Variants in ETV6 observed in about 807,000 individuals in gnomAD.
ETV6 encodes transcription factor ETV6.
ETV6 carries 16 observed loss-of-function variants against 51.1 expected under a neutral mutation model. The observed-to-expected ratio is 0.31, with a 90% CI of 0.21 to 0.48. ETV6 has a LOEUF of 0.48. Ranked by LOEUF, ETV6 falls within the 20% of genes least tolerant of loss-of-function variation. The pLI, the probability that ETV6 is intolerant of heterozygous loss-of-function variation, is 0.99. For missense variants in ETV6, 458 were observed against 594.8 expected, an observed-to-expected ratio of 0.77 and a Z score of 2.39; for synonymous variants, 240 against 224.1, an observed-to-expected ratio of 1.07 and a Z score of -0.64.
chr12:11,759,631 T>G (rs1362893341), intron 2 of ETV6, among the ~76,000 whole-genome samples: 2 of 152,242 alleles, frequency 1.3e-5, no homozygotes, highest in Admixed American at 1.3e-4. Context: ...TCTTGGATTT[T>G]CCCAACCCTC....
intron 1 of ETV6, among the ~76,000 whole-genome samples, chr12:11,678,185 A>G (rs963108678): frequency 6.6e-6 from 1 of 152,210 alleles, no homozygotes; most frequent in Non-Finnish European, 1.5e-5. Context: ...AGAAAACAGA[A>G]CAAAAAGGGA....
intron 1 of ETV6, among the ~76,000 whole-genome samples, chr12:11,669,411 C>G (rs950446503): frequency 2.6e-5 from 3 of 117,524 alleles, no homozygotes; most frequent in Non-Finnish European, 5.5e-5. Context: ...CCTTTCCTCC[C>G]TTCCTCCTTC....
At chr12:11,681,657 G>C (rs1312142681) in intron 1 of ETV6, among the ~76,000 whole-genome samples, 1 of 152,062 alleles carries the variant, frequency 6.6e-6, no homozygotes, top group African/African-American at 2.4e-5. Context: ...ACGTGCCATG[G>C]TAGTTTGCTG....
At chr12:11,791,858 C>T (rs1415242113) in intron 2 of ETV6, among the ~76,000 whole-genome samples, 1 of 151,550 alleles carries the variant, frequency 6.6e-6, no homozygotes, top group African/African-American at 2.4e-5. Context: ...ACCTGGTGGT[C>T]GTTTAAAAAA....
At chr12:11,844,389 A>T (rs1422401004) in intron 3 of ETV6, among the ~76,000 whole-genome samples, 1 of 152,220 alleles carries the variant, frequency 6.6e-6, no homozygotes, top group Admixed American at 6.5e-5. Context: ...CAGTCTTTTC[A>T]TATACTAGAG....
intron 2 of ETV6, among the ~76,000 whole-genome samples, chr12:11,815,682 C>A (rs1177213236): frequency 6.6e-6 from 1 of 152,190 alleles, no homozygotes. Flanking sequence ...GTATTGCCAG[C>A]CATTTCTCCT....
At chr12:11,887,398 C>A (rs1045105891) in intron 7 of ETV6, among the ~76,000 whole-genome samples, 2 of 152,106 alleles carry the variant, frequency 1.3e-5, no homozygotes, top group African/African-American at 4.8e-5. Context: ...CCTTAAATAT[C>A]ACATTTAAGT....
intron 1 of ETV6, among the ~76,000 whole-genome samples, chr12:11,655,257 C>A (rs1486308309): frequency 6.6e-6 from 1 of 152,128 alleles, no homozygotes; most frequent in African/African-American, 2.4e-5. Flanking sequence ...ACTTTAGAGA[C>A]AATCCTGGAG....
In ETV6 at chr12:11,727,029, T is replaced by C. The variant is rs1291758556; in HGVS notation, c.34-25421T>C. ...AAATATCATTGCCAGGATTTGAATCTGAGTCTGCAGCAATTCAGAGAAAGG... is the reference window on the plus strand; with the variant it reads ...AAATATCATTGCCAGGATTTGAATCCGAGTCTGCAGCAATTCAGAGAAAGG... On this transcript the variant is annotated intron_variant, in intron 1 of 7. Coordinates refer to ENST00000396373, the MANE Select transcript of ETV6 (RefSeq NM_001987.5). 2.0e-5 allele frequency among the ~76,000 whole-genome samples: 3 copies of C among 152,224 alleles called. No homozygotes were observed. The East Asian group carries it at 5.8e-4, about 29-fold the overall frequency.
intron 1 of ETV6, among the ~76,000 whole-genome samples, chr12:11,669,373 T>TCCTCCCTTCCTCCCTCCCTCCATC (rs1555112289): frequency 3.1e-5 from 4 of 129,344 alleles, no homozygotes; most frequent in African/African-American, 1.3e-4. Flanking sequence ...CTTCCTCCCT[T>TCCTCCCTTCCTCCCTCCCTCCATC]CCTCCCTCCC....
At chr12:11,850,814 T>C (rs1696803423) in intron 3 of ETV6, among the ~76,000 whole-genome samples, 1 of 152,136 alleles carries the variant, frequency 6.6e-6, no homozygotes, top group Non-Finnish European at 1.5e-5. Flanking sequence ...CCTCAGTTTC[T>C]CTCTCATGAA....
At chr12:11,727,393 G>A (rs527833318) in intron 1 of ETV6, among the ~76,000 whole-genome samples, 5 of 152,350 alleles carry the variant, frequency 3.3e-5, no homozygotes, top group African/African-American at 9.6e-5. Flanking sequence ...CCTCTCCCTC[G>A]TGGTGGCAGC....
At chr12:11,855,856 C>G (rs1314609416) in intron 4 of ETV6, among the ~76,000 whole-genome samples, 1 of 152,146 alleles carries the variant, frequency 6.6e-6, no homozygotes, top group African/African-American at 2.4e-5. Flanking sequence ...ATGTGCATTT[C>G]CGGCTTGCAT....
chr12:11,726,726 C>T (rs916271653), intron 1 of ETV6, among the ~76,000 whole-genome samples: 3 of 152,288 alleles, frequency 2.0e-5, no homozygotes, highest in African/African-American at 7.2e-5. Context: ...GCCGTGATCA[C>T]ACCACTGCAC....
At chr12:11,860,284 G>T (rs1336936965) in intron 4 of ETV6, among the ~76,000 whole-genome samples, 1 of 152,166 alleles carries the variant, frequency 6.6e-6, no homozygotes, top group Non-Finnish European at 1.5e-5. Flanking sequence ...GGTCAAGGAG[G>T]CTGTGGGCTG....
intron 2 of ETV6, among the ~76,000 whole-genome samples, chr12:11,817,518 C>T (rs981249765): frequency 6.6e-6 from 1 of 152,218 alleles, no homozygotes; most frequent in Non-Finnish European, 1.5e-5. Context: ...ATGCTCTGAA[C>T]TTATAACTCT....
intron 1 of ETV6, among the ~76,000 whole-genome samples, chr12:11,712,741 C>T (rs1865197045): frequency 6.6e-6 from 1 of 152,206 alleles, no homozygotes. Flanking sequence ...TCAGAGTCTA[C>T]TGACTTAAAT....
chr12:11,691,650 T>C (rs1392832524), intron 1 of ETV6, among the ~76,000 whole-genome samples: 2 of 152,248 alleles, frequency 1.3e-5, no homozygotes, highest in Non-Finnish European at 2.9e-5. Context: ...CCAGCATTCA[T>C]GTGTATTGCT....
chr12:11,869,521 G>A lies in ETV6; in HGVS notation c.561G>A (p.Thr187=), dbSNP rs375865123. Residue 187 remains threonine, a synonymous_variant, in exon 5 of 8, where the codon ACG becomes ACA. Coordinates refer to ENST00000396373, the MANE Select transcript of ETV6 (RefSeq NM_001987.5). The surrounding 1 kb of genome is among the most constrained non-coding windows in gnomAD (Gnocchi z 5.0). The part of the protein sequence containing the change: ...ELLHRSRSPI[T]TNHRPSPDPE... ...TGCACCGCTCCAGGTCACCTATCACGACAAATCACCGGCCTTCTCCTGACC... is the reference window on the plus strand; with the variant it reads ...TGCACCGCTCCAGGTCACCTATCACAACAAATCACCGGCCTTCTCCTGACC... The A allele has an allele frequency of 2.7e-5, 43 of 1,613,924 alleles. No individual in the cohort carries two copies. In the African/African-American group the frequency reaches 4.5e-4, roughly 17 times the overall value.
Sources: gnomAD v4.1 joint callset for allele counts (sites outside exome capture counted in the v4.1 genomes callset) on GRCh38, gnomAD v4.1.1 for gene constraint, Gnocchi (gnomAD v3.1) non-coding constraint, MANE v1.5 for transcripts, NCBI Gene and HGNC (gene_info 2026-07-23, HGNC 2026-07-21) for gene names.